Variants in STAU2 observed in about 807,000 individuals in gnomAD.
The protein encoded by STAU2 is double-stranded RNA-binding protein Staufen homolog 2.
STAU2 carries 20 observed loss-of-function variants against 65.9 expected under a neutral mutation model. The ratio of observed to expected loss-of-function variants is 0.30; its 90% CI spans 0.21 to 0.44. STAU2 has a LOEUF of 0.44. STAU2 is among the 20% of genes least tolerant of loss of function. The pLI is 1.00. For synonymous variants in STAU2, 232 were observed against 233.9 expected (o/e 0.99, Z 0.07); for missense variants, 558 against 683.9 (o/e 0.82, Z 2.05).
At chr8:73,466,195 AG>A (rs1819643390) in intron 13 of STAU2, among the ~76,000 whole-genome samples, 1 of 152,244 alleles carries the variant, frequency 6.6e-6, no homozygotes, top group Non-Finnish European at 1.5e-5. Flanking sequence ...CATTCCTTTA[AG>A]CCAAAATACC....
At chr8:73,672,913 A>AAC (rs1340285922) in intron 6 of STAU2, 194 bp downstream of exon 6, 1 of 446,654 alleles carries the variant, frequency 2.2e-6, no homozygotes, top group Non-Finnish European at 3.6e-6. Flanking sequence ...AAAAAAAAAA[A>AAC]AACTAGTTCC....
chr8:73,569,987 G>A (rs1459739421), intron 12 of STAU2, among the ~76,000 whole-genome samples: 1 of 152,194 alleles, frequency 6.6e-6, no homozygotes, highest in Admixed American at 6.5e-5. Context: ...AGAGAAGAAG[G>A]CTTCAGATGA....
At chr8:73,458,462 A>T (rs1352392487) in intron 13 of STAU2, among the ~76,000 whole-genome samples, 2 of 152,266 alleles carry the variant, frequency 1.3e-5, no homozygotes, top group Non-Finnish European at 2.9e-5. Context: ...AAAAGCCTGC[A>T]GTTTCAGTAA....
intron 4 of STAU2, among the ~76,000 whole-genome samples, chr8:73,697,025 C>T (rs950444603): frequency 6.6e-6 from 1 of 150,962 alleles, no homozygotes; most frequent in Non-Finnish European, 1.5e-5. Context: ...AGCTCCAATA[C>T]AACTGGCAGC....
At chr8:73,540,043 A>G (rs1340026735) in intron 13 of STAU2, among the ~76,000 whole-genome samples, 2 of 152,140 alleles carry the variant, frequency 1.3e-5, no homozygotes, top group Non-Finnish European at 2.9e-5. Context: ...AATAATAAAT[A>G]TACAGATTAA....
intron 5 of STAU2, 62 bp downstream of exon 5, chr8:73,688,592 G>C (rs1434295211): frequency 6.3e-7 from 1 of 1,582,868 alleles, no homozygotes; most frequent in Non-Finnish European, 8.6e-7. Flanking sequence ...TACTATAAAT[G>C]AAACATACAA....
chr8:73,739,258 A>G (rs1388335659), intron 2 of STAU2, among the ~76,000 whole-genome samples: 1 of 151,472 alleles, frequency 6.6e-6, no homozygotes, highest in Non-Finnish European at 1.5e-5. Flanking sequence ...AAAAATTTTA[A>G]TTTGAAAACA....
chr8:73,687,514 T>TAA (rs1819013649), intron 5 of STAU2, among the ~76,000 whole-genome samples: 1 of 142,936 alleles, frequency 7.0e-6, no homozygotes, highest in Non-Finnish European at 1.5e-5. Flanking sequence ...TTTATATATA[T>TAA]AACTATATAT....
intron 12 of STAU2, among the ~76,000 whole-genome samples, chr8:73,575,412 A>G (rs530191318): frequency 1.3e-5 from 2 of 152,320 alleles, no homozygotes; most frequent in African/African-American, 4.8e-5. Flanking sequence ...ACTGCTGTCT[A>G]TTGACAGTAC....
chr8:73,637,537 G>T (rs539530608), intron 6 of STAU2, among the ~76,000 whole-genome samples: 9 of 122,438 alleles, frequency 7.4e-5, no homozygotes, highest in Non-Finnish European at 1.4e-4. Flanking sequence ...TGTCAACTCC[G>T]AATTCTATAT....
At chr8:73,595,385 C>T in intron 10 of STAU2, 88 bp from the exon 11 acceptor site, 1 of 1,229,872 alleles carries the variant, frequency 8.1e-7, no homozygotes, top group Non-Finnish European at 1.1e-6. Context: ...ATTCTACTCT[C>T]TAGCATTTGA....
intron 13 of STAU2, among the ~76,000 whole-genome samples, chr8:73,491,296 A>C (rs182513416): frequency 2.6e-5 from 4 of 152,164 alleles, no homozygotes; most frequent in African/African-American, 7.2e-5. Flanking sequence ...TGTTAAAAAG[A>C]AACTTCAAAC....
chr8:73,665,342 T>TGAGAAAA (rs1297652974), intron 6 of STAU2, among the ~76,000 whole-genome samples: 1 of 152,156 alleles, frequency 6.6e-6, no homozygotes, highest in Non-Finnish European at 1.5e-5. Flanking sequence ...GTAAAGCATA[T>TGAGAAAA]GAGAAAAGAG....
intron 3 of STAU2, among the ~76,000 whole-genome samples, chr8:73,723,088 G>A (rs975940628): frequency 3.3e-5 from 5 of 151,808 alleles, no homozygotes; most frequent in Non-Finnish European, 1.5e-5. Flanking sequence ...CCACACTAGA[G>A]TGCGTGCGTG....
intron 6 of STAU2, among the ~76,000 whole-genome samples, chr8:73,623,815 T>C (rs927099837): frequency 2.0e-5 from 3 of 152,184 alleles, no homozygotes; most frequent in Admixed American, 6.5e-5. Flanking sequence ...AATATCTAGA[T>C]AGAAGACAGT....
chr8:73,672,909 A>G (rs1817787131), intron 6 of STAU2, 198 bp downstream of exon 6: 1 of 433,218 alleles, frequency 2.3e-6, no homozygotes, highest in African/African-American at 2.0e-5. Context: ...GGGAAAAAAA[A>G]AAAAAACTAG....
At chr8:73,448,434 C>T (rs965153927) in intron 13 of STAU2, among the ~76,000 whole-genome samples, 5 of 152,294 alleles carry the variant, frequency 3.3e-5, no homozygotes, top group African/African-American at 9.6e-5. Flanking sequence ...AGGCGCACGC[C>T]GCCACGCCCG....
intron 6 of STAU2, among the ~76,000 whole-genome samples, chr8:73,641,397 C>T (rs1814956881): frequency 6.6e-6 from 1 of 152,082 alleles, no homozygotes. Context: ...CTGGTAGTTT[C>T]ATAGTTAACA....
intron 13 of STAU2, among the ~76,000 whole-genome samples, chr8:73,545,193 G>C (rs1243449135): frequency 6.6e-6 from 1 of 152,148 alleles, no homozygotes; most frequent in African/African-American, 2.4e-5. Flanking sequence ...CTTAGTAAGA[G>C]TTTTTCAAAC....
Sources: gnomAD v4.1 joint callset for allele counts (sites outside exome capture counted in the v4.1 genomes callset) on GRCh38, gnomAD v4.1.1 for gene constraint, MANE v1.5 for transcripts, NCBI Gene and HGNC (gene_info 2026-07-23, HGNC 2026-07-21) for gene names.